The following TMEM25 variants were observed in gnomAD, a reference collection of about 807,000 sequenced individuals.
TMEM25 encodes 0610039J01Rik.
TMEM25 carries 36 observed loss-of-function variants against 37.0 expected under a neutral mutation model. That is an observed-to-expected ratio of 0.97 (90% CI 0.75 to 1.28). TMEM25 has a LOEUF of 1.28. Ranked by LOEUF, TMEM25 falls within the 50% of genes most tolerant of loss-of-function variation. The pLI, the probability that TMEM25 is intolerant of heterozygous loss-of-function variation, is 0.00. For synonymous variants in TMEM25, 197 were observed against 203.7 expected (o/e 0.97, Z 0.28); for missense variants, 444 against 477.9 (o/e 0.93, Z 0.66).
intron 8 of TMEM25, among the ~76,000 whole-genome samples, chr11:118,542,463 AG>A (rs1591352072): frequency 6.6e-6 from 1 of 152,192 alleles, no homozygotes; most frequent in African/African-American, 2.4e-5. Flanking sequence ...GGCAAACAAT[AG>A]CAAATCATAA....
chr11:118,536,915 C>T (rs1199502959), downstream of TMEM25, among the ~76,000 whole-genome samples: 1 of 152,174 alleles, frequency 6.6e-6, no homozygotes, highest in Non-Finnish European at 1.5e-5. Context: ...TGCTCTATGA[C>T]TCAGGCTGGA....
At chr11:118,537,273 A>G (rs1327706259), downstream of TMEM25, among the ~76,000 whole-genome samples, 1 of 152,050 alleles carries the variant, frequency 6.6e-6, no homozygotes, top group Non-Finnish European at 1.5e-5. Flanking sequence ...CCCAGGAGGC[A>G]GAGATTGCAG....
downstream of TMEM25, among the ~76,000 whole-genome samples, chr11:118,540,005 A>G (rs2135434175): frequency 7.2e-6 from 1 of 138,650 alleles, no homozygotes; most frequent in South Asian, 2.6e-4. Context: ...TGGGCGACAG[A>G]GCAAGACTCC....
chr11:118,531,292 A>G, intron 1 of TMEM25, 58 bp downstream of exon 1: 1 of 342,828 alleles, frequency 2.9e-6, no homozygotes, highest in South Asian at 2.9e-5. Flanking sequence ...CCACCCTCCG[A>G]CCCTCTCCTC....
At chr11:118,543,575 C>G (rs1951611035) in intron 8 of TMEM25, among the ~76,000 whole-genome samples, 1 of 151,884 alleles carries the variant, frequency 6.6e-6, no homozygotes. Context: ...GCAACTGCCA[C>G]CTCCTGGGTT....
At position 118,545,230 on chromosome 11, in the gene TMEM25, A is replaced by G. The variant is rs143782568; in HGVS notation, c.1028-889A>G. Among the ~76,000 whole-genome samples the G allele has an allele frequency of 4.3e-3, 643 of 150,946 alleles. 6 individuals carry two copies. Among genetic ancestry groups the G allele is most frequent in the African/African-American group, 0.015 (601 of 41,084 alleles). Reference sequence around the variant, plus strand: ...TTCCACCCACCCTTTTTTTTCCTCCACTTTCCCCTTGAAAACTCCATCCCT... The same window carrying G: ...TTCCACCCACCCTTTTTTTTCCTCCGCTTTCCCCTTGAAAACTCCATCCCT... On this transcript the variant is annotated intron_variant, in intron 8 of 8. Coordinates refer to the TMEM25 transcript ENST00000354284.
At chr11:118,531,514 T>G (rs1591331289) in intron 1 of TMEM25, 1 of 546,598 alleles carries the variant, frequency 1.8e-6, no homozygotes, top group East Asian at 3.0e-5. Context: ...TCGTTGCTTC[T>G]GCGTATCTGC....
At chr11:118,533,381 A>G (rs1555060829) in intron 4 of TMEM25, 39 bp from the exon 5 acceptor site, 1 of 1,611,408 alleles carries the variant, frequency 6.2e-7, no homozygotes, top group South Asian at 1.1e-5. Flanking sequence ...GGGCTGGGGC[A>G]CTACCCACTT....
chr11:118,545,622 C>G (rs1310853730), intron 8 of TMEM25: 1 of 1,048,276 alleles, frequency 9.5e-7, no homozygotes, highest in East Asian at 2.4e-5. Flanking sequence ...AAATACCCAG[C>G]AGGTAGTCAC....
At chr11:118,539,842 G>A (rs1193583492), downstream of TMEM25, among the ~76,000 whole-genome samples, 2 of 151,650 alleles carry the variant, frequency 1.3e-5, no homozygotes, top group Non-Finnish European at 2.9e-5. Flanking sequence ...CCAACATGGT[G>A]AAACTCCATC....
chr11:118,535,274 A>C lies in TMEM25; in HGVS notation c.*694A>C. ...CTAGACTTTTCTATTGGCCTGTGCC[A>C]TCGCCCAGTATTAGCACAAGTTAGG... On this transcript the variant is annotated 3_prime_UTR_variant, in exon 9 of 9. Coordinates refer to ENST00000313236, the MANE Select transcript of TMEM25 (RefSeq NM_032780.4). 8.1e-7 allele frequency: 1 copy of C among 1,240,624 alleles called. No homozygotes were observed. The highest frequency in any genetic ancestry group is 1.0e-6 in the Non-Finnish European group (1 of 990,074). The allele number at this position is 1,240,624 out of a possible 1,614,324, so 76.9% of individuals were successfully genotyped here.
rs1555062197 is a variant in TMEM25 at position 118,534,580 on chromosome 11, A to G, written c.1101A>G (p.Ter367TrpextTer30). 2 of 1,614,098 alleles carry G rather than the reference A, an allele frequency of 1.2e-6. No homozygotes were observed. The highest frequency in any genetic ancestry group is 3.3e-4 in the Middle Eastern group (2 of 6,060). The change falls in exon 9 of 9, where the codon TGA (stop) becomes TGG (tryptophan). Residue 367 changes from the stop codon to tryptophan (W), a stop_lost. Transcript: ENST00000313236. The surrounding 1 kb of genome is among the most constrained non-coding windows in gnomAD (Gnocchi z 4.6). The part of the protein sequence containing the change: ...SSVSSDEIWL[*>W] Reference sequence around the variant, plus strand: ...TGAGCAGTGATGAGATCTGGCTCTGAGCCGAGGGCGAGACAGGAGTATTCT... The same window carrying G: ...TGAGCAGTGATGAGATCTGGCTCTGGGCCGAGGGCGAGACAGGAGTATTCT...
intron 5 of TMEM25, 118 bp from the exon 6 acceptor site, chr11:118,533,739 G>A (rs1951405879): frequency 1.3e-6 from 2 of 1,582,192 alleles, no homozygotes; most frequent in African/African-American, 1.3e-5. Flanking sequence ...TCTGGCCCCA[G>A]GGCCAGGCCT....
chr11:118,532,674 G>A, intron 3 of TMEM25: 1 of 782,698 alleles, frequency 1.3e-6, no homozygotes, highest in East Asian at 2.7e-5. Flanking sequence ...TAAGCAATCT[G>A]CCCAGGGTGA....
chr11:118,533,970 G>A, intron 6 of TMEM25, 59 bp from the exon 7 acceptor site: 1 of 1,613,566 alleles, frequency 6.2e-7, no homozygotes, highest in South Asian at 1.1e-5. Flanking sequence ...TCTGGTAGAG[G>A]CAGCCATGAG....
At chr11:118,544,265 C>T (rs1679743852) in intron 8 of TMEM25, among the ~76,000 whole-genome samples, 1 of 152,184 alleles carries the variant, frequency 6.6e-6, no homozygotes, top group South Asian at 2.1e-4. Context: ...CTCCCTGAGA[C>T]CAGAACCAGA....
At chr11:118,544,974 G>A (rs782038843) in intron 8 of TMEM25, 1 of 1,613,736 alleles carries the variant, frequency 6.2e-7, no homozygotes, top group Admixed American at 1.7e-5. Context: ...GGATGAAGGA[G>A]TGAATGCTTT....
intron 8 of TMEM25, among the ~76,000 whole-genome samples, chr11:118,542,186 T>C (rs778727130): frequency 1.8e-4 from 28 of 152,156 alleles, no homozygotes; most frequent in Non-Finnish European, 3.7e-4. Context: ...TTTTTGCTTG[T>C]GGGGACTCTG....
intron 8 of TMEM25, chr11:118,545,554 T>A: frequency 7.1e-7 from 1 of 1,408,304 alleles, no homozygotes; most frequent in South Asian, 1.2e-5. Context: ...TTAGAGGCCC[T>A]TCTGTCTAGC....
Sources: gnomAD v4.1 joint callset for allele counts (sites outside exome capture counted in the v4.1 genomes callset) on GRCh38, gnomAD v4.1.1 for gene constraint, Gnocchi (gnomAD v3.1) non-coding constraint, MANE v1.5 for transcripts, NCBI Gene and HGNC (gene_info 2026-07-23, HGNC 2026-07-21) for gene names.